Variants in ANKRD30B observed in about 807,000 individuals in gnomAD.
The protein encoded by ANKRD30B is ankyrin repeat domain 30B, also known as ankyrin repeat domain-containing protein 30B.
Under a neutral mutation model 202.2 loss-of-function variants are expected in ANKRD30B, and 144 were observed. The ratio of observed to expected loss-of-function variants is 0.71; its 90% CI spans 0.62 to 0.82. ANKRD30B has a LOEUF of 0.82. Ranked by LOEUF, ANKRD30B falls within the 40% of genes least tolerant of loss-of-function variation. The pLI is 0.00. For synonymous variants in ANKRD30B, 508 were observed against 561.3 expected, an observed-to-expected ratio of 0.91 and a Z score of 1.34; for missense variants, 1,487 against 1,669.1, an observed-to-expected ratio of 0.89 and a Z score of 1.90.
intron 14 of ANKRD30B, 144 bp from the exon 15 acceptor site, chr18:14,786,895 G>T: frequency 1.5e-6 from 1 of 666,584 alleles, no homozygotes; most frequent in Non-Finnish European, 2.4e-6. Flanking sequence ...GACTATAGAA[G>T]TAGTCACTGT....
At chr18:14,855,579 A>C (rs1972062973), downstream of ANKRD30B, among the ~76,000 whole-genome samples, 2 of 142,942 alleles carry the variant, frequency 1.4e-5, no homozygotes, top group Admixed American at 1.4e-4. Context: ...GGTGCTCCTC[A>C]TTTCCCAGAT....
At chr18:14,764,165 G>A in intron 7 of ANKRD30B, 75 bp downstream of exon 7, 1 of 1,402,526 alleles carries the variant, frequency 7.1e-7, no homozygotes, top group Non-Finnish European at 9.4e-7. Flanking sequence ...TGATATGGGA[G>A]TTGTTGGGAA....
chr18:14,876,028 C>T, the ANKRD30B span, among the ~76,000 whole-genome samples: 1 of 152,204 alleles, frequency 6.6e-6, no homozygotes, highest in East Asian at 1.9e-4. Flanking sequence ...CATTGTACTG[C>T]TCAAGTCAGA....
the ANKRD30B span, among the ~76,000 whole-genome samples, chr18:14,918,296 T>TA: frequency 6.6e-6 from 1 of 152,160 alleles, no homozygotes; most frequent in Admixed American, 6.5e-5. Flanking sequence ...CTTGTAAGGG[T>TA]TGCTGCACCC....
At chr18:14,871,043 ACCCACACACCCC>A in the ANKRD30B span, among the ~76,000 whole-genome samples, 15 of 44,122 alleles carry the variant, frequency 3.4e-4, 1 homozygote, top group African/African-American at 1.4e-3. Flanking sequence ...CCACACCCCC[ACCCACACACCCC>A]CACCCACACA....
the ANKRD30B span, among the ~76,000 whole-genome samples, chr18:14,932,360 G>A: frequency 1.5e-4 from 23 of 151,898 alleles, no homozygotes; most frequent in African/African-American, 1.2e-4. Flanking sequence ...TTTTTGAGAC[G>A]GAGTCTCACT....
chr18:14,832,531 A>T (rs1283909038), intron 34 of ANKRD30B, among the ~76,000 whole-genome samples: 1 of 152,218 alleles, frequency 6.6e-6, no homozygotes, highest in Admixed American at 6.5e-5. Context: ...CTCTTGCATC[A>T]CTATGAGATA....
chr18:14,809,088 G>C (rs372672555), intron 26 of ANKRD30B, among the ~76,000 whole-genome samples: 1 of 143,204 alleles, frequency 7.0e-6, no homozygotes, highest in Non-Finnish European at 1.5e-5. Flanking sequence ...TTGTGTTCCC[G>C]TGGTGCCAAC....
chr18:14,817,498 A>T (rs1217680739), intron 30 of ANKRD30B, among the ~76,000 whole-genome samples: 2 of 152,220 alleles, frequency 1.3e-5, no homozygotes, highest in Non-Finnish European at 2.9e-5. Context: ...GGATTCCTAA[A>T]TGCCAAGTGA....
rs776026510 is a variant in ANKRD30B, at chr18:14,752,991, A to G, written c.489A>G (p.Ala163=). Residue 163 remains alanine (A), a synonymous_variant, in exon 3 of 44, where the codon GCA becomes GCG. Coordinates refer to ENST00000690538, the MANE Select transcript of ANKRD30B (RefSeq NM_001367607.2). The stretch of plus-strand genomic sequence containing the variant: ...TGGCAACACTGCTGTCCTATGGTGC[A>G]GTCATCGAGGTGCAAAACAAGGTAG... ...LMVATLLSYG[A]VIEVQNKASL... 16 of 1,599,262 alleles carry G rather than the reference A, an allele frequency of 1.0e-5. No homozygotes were observed. In the African/African-American group the frequency reaches 2.2e-4, roughly 22 times the overall value.
At chr18:14,933,988 G>C in the ANKRD30B span, among the ~76,000 whole-genome samples, 1 of 152,100 alleles carries the variant, frequency 6.6e-6, no homozygotes, top group African/African-American at 2.4e-5. Flanking sequence ...GGCCTTGCCC[G>C]CCTCCCGCCT....
chr18:14,823,761 G>A (rs1282353427), intron 32 of ANKRD30B, among the ~76,000 whole-genome samples: 2 of 152,140 alleles, frequency 1.3e-5, no homozygotes, highest in Non-Finnish European at 2.9e-5. Flanking sequence ...ATAACTGAAG[G>A]TTAGGAGTTC....
intron 32 of ANKRD30B, 33 bp from the exon 33 acceptor site, chr18:14,828,245 T>C (rs544846070): frequency 2.7e-6 from 4 of 1,455,126 alleles, no homozygotes; most frequent in Non-Finnish European, 3.7e-6. Context: ...TTATATTTGT[T>C]GATTTAATGT....
the ANKRD30B span, among the ~76,000 whole-genome samples, chr18:14,876,102 G>C: frequency 6.6e-6 from 1 of 151,836 alleles, no homozygotes; most frequent in African/African-American, 2.4e-5. Context: ...TCCTAAAAAG[G>C]AACAGGGCAT....
chr18:14,825,240 T>G (rs1970611975), intron 32 of ANKRD30B: 1 of 152,170 alleles, frequency 6.6e-6, no homozygotes, highest in South Asian at 2.1e-4. Context: ...GCCGGGTCCA[T>G]CCCATGGACA....
intron 30 of ANKRD30B, among the ~76,000 whole-genome samples, chr18:14,818,471 A>G (rs1414267811): frequency 1.3e-5 from 2 of 149,182 alleles, no homozygotes; most frequent in East Asian, 4.1e-4. Context: ...CCAACTCGTC[A>G]TCTACCATTA....
chr18:14,880,604 C>T, the ANKRD30B span, among the ~76,000 whole-genome samples: 489 of 124,254 alleles, frequency 3.9e-3, 5 homozygotes, highest in African/African-American at 0.014. Context: ...TCGCTCTTGT[C>T]GCTGAGGTGG....
At chr18:14,838,489 G>A (rs572632993) in intron 36 of ANKRD30B, among the ~76,000 whole-genome samples, 7 of 152,242 alleles carry the variant, frequency 4.6e-5, no homozygotes, top group Non-Finnish European at 8.8e-5. Flanking sequence ...CAACAATTTG[G>A]TTGAGTAGTA....
At chr18:14,865,432 C>A in the ANKRD30B span, among the ~76,000 whole-genome samples, 47,541 of 142,622 alleles carry the variant, frequency 0.33, 4,612 homozygotes, top group East Asian at 0.46. Flanking sequence ...AGTCTTCTTT[C>A]CCTTTCTTCT....
Sources: allele counts gnomAD v4.1 joint callset (sites outside exome capture counted in the v4.1 genomes callset), GRCh38; gene constraint gnomAD v4.1.1; transcripts MANE v1.5; gene names NCBI Gene and HGNC (gene_info 2026-07-23, HGNC 2026-07-21).